Variants in ZNF846 observed in about 807,000 individuals in gnomAD.
The protein encoded by ZNF846 is zinc finger protein 420 pseudogene.
Under a neutral mutation model 16.0 loss-of-function variants are expected in ZNF846, and 15 were observed. That is an observed-to-expected ratio of 0.94 (90% CI 0.63 to 1.45). The LOEUF is 1.45. ZNF846 is among the 40% of genes most tolerant of loss of function. ZNF846 has a pLI of 0.00. For missense variants in ZNF846, 714 were observed against 622.3 expected (o/e 1.15, Z -1.57); for synonymous variants, 229 against 212.0 (o/e 1.08, Z -0.70).
downstream of ZNF846, among the ~76,000 whole-genome samples, chr19:9,753,538 G>C (rs2045105405): frequency 6.6e-6 from 1 of 151,160 alleles, no homozygotes; most frequent in Non-Finnish European, 1.5e-5. Context: ...ACAGGTGTGA[G>C]CCACCGTGCC....
At chr19:9,752,444 C>CAAA in intron 5 of ZNF846, 19 of 350,322 alleles carry the variant, frequency 5.4e-5, no homozygotes, top group East Asian at 1.9e-4. Context: ...TTCGTCTCTA[C>CAAA]AAAAAAAAAA....
At chr19:9,755,243 T>C (rs2045121822), downstream of ZNF846, among the ~76,000 whole-genome samples, 1 of 151,462 alleles carries the variant, frequency 6.6e-6, no homozygotes, top group Admixed American at 6.6e-5. Flanking sequence ...CTTACTAAAA[T>C]ATAGAAAAAA....
At chr19:9,751,607 T>C (rs974398164), downstream of ZNF846, among the ~76,000 whole-genome samples, 2 of 150,404 alleles carry the variant, frequency 1.3e-5, no homozygotes, top group Non-Finnish European at 3.0e-5. Flanking sequence ...ATTCCTCCCA[T>C]CCCTTGTGAC....
At chr19:9,768,475 T>G (rs528503608) in exon 1 of ZNF846, 1 of 152,208 alleles carries the variant, frequency 6.6e-6, no homozygotes, top group Non-Finnish European at 1.5e-5. Flanking sequence ...CCCAGACTGA[T>G]GCGGGCGCAG....
chr19:9,751,412 AAAC>A (rs1468521707), downstream of ZNF846, among the ~76,000 whole-genome samples: 1 of 152,186 alleles, frequency 6.6e-6, no homozygotes, highest in African/African-American at 2.4e-5. Context: ...TAACATAAAA[AAAC>A]AGGAATGTAA....
At chr19:9,757,696 G>A (rs760740107) in exon 6 of ZNF846, 46 of 1,612,964 alleles carry the variant, frequency 2.9e-5, no homozygotes, top group South Asian at 9.9e-5. Context: ...TTTGTGGAAC[G>A]AGCAAATGCT....
intron 1 of ZNF846, among the ~76,000 whole-genome samples, chr19:9,777,444 G>A (rs142221559): frequency 1.9e-4 from 29 of 152,004 alleles, no homozygotes; most frequent in Middle Eastern, 3.4e-3. Context: ...AGGTCGAGGT[G>A]GGCAGATCAC....
intron 1 of ZNF846, chr19:9,775,071 T>A: frequency 1.1e-6 from 1 of 928,640 alleles, no homozygotes; most frequent in Non-Finnish European, 1.7e-6. Flanking sequence ...CGCCTGACAT[T>A]CACTTGTGGC....
chr19:9,755,717 G>A (rs1341721421), downstream of ZNF846: 57 of 130,542 alleles, frequency 4.4e-4, no homozygotes, highest in African/African-American at 1.3e-3. Flanking sequence ...GGAGAATGGC[G>A]TGAACCCGGG....
At chr19:9,777,261 G>A (rs553901963) in intron 1 of ZNF846, among the ~76,000 whole-genome samples, 52 of 152,018 alleles carry the variant, frequency 3.4e-4, no homozygotes, top group African/African-American at 1.2e-3. Flanking sequence ...GAACCCAGGA[G>A]TTTCAGGCTG....
At chr19:9,779,691 C>A (rs1034023905) in intron 1 of ZNF846, among the ~76,000 whole-genome samples, 1 of 151,914 alleles carries the variant, frequency 6.6e-6, no homozygotes, top group African/African-American at 2.4e-5. Flanking sequence ...CTGCCTCAGC[C>A]TCCCAAGCAG....
At chr19:9,775,020 A>AAATTGACACGTG in intron 1 of ZNF846, 1 of 1,470,924 alleles carries the variant, frequency 6.8e-7, no homozygotes. Flanking sequence ...GCATTCAGAC[A>AAATTGACACGTG]CCCGGCAAAG....
At chr19:9,757,057 T>C (rs1222001585), downstream of ZNF846, among the ~76,000 whole-genome samples, 1 of 151,416 alleles carries the variant, frequency 6.6e-6, no homozygotes, top group Non-Finnish European at 1.5e-5. Context: ...TAGCTGGGCA[T>C]GGTGGCACAT....
downstream of ZNF846, chr19:9,756,341 G>A (rs1286259182): frequency 3.1e-5 from 2 of 64,728 alleles, no homozygotes; most frequent in Non-Finnish European, 5.1e-5. Context: ...GTGTGTGTGT[G>A]TGTGTATATA....
intron 1 of ZNF846, among the ~76,000 whole-genome samples, chr19:9,774,264 A>G (rs190995785): frequency 2.0e-5 from 3 of 152,132 alleles, no homozygotes; most frequent in African/African-American, 7.2e-5. Flanking sequence ...GTCAGGAGAT[A>G]GAGACCACCC....
Position 9,757,490 on chromosome 19 carries a change from T to A in ZNF846, c.1587A>T (p.Ala529=), listed in dbSNP as rs563251527. 5.7e-6 allele frequency: 9 copies of A among 1,576,018 alleles called. No individual in the cohort carries two copies. The South Asian group carries it at 9.4e-5, about 16-fold the overall frequency. Residue 529 remains alanine (A), a synonymous_variant, in exon 6 of 6, where the codon GCA becomes GCT. Coordinates refer to ENST00000397902, the Ensembl canonical transcript of ZNF846. Reference sequence around the variant, plus strand: ...GAGGAACACTTCAGGTTTTTTCACATGCCTTAGTTCTTAGATGTTTAGCAA... The same window carrying A: ...GAGGAACACTTCAGGTTTTTTCACAAGCCTTAGTTCTTAGATGTTTAGCAA...
intron 1 of ZNF846, among the ~76,000 whole-genome samples, chr19:9,776,836 G>A (rs1329651079): frequency 6.6e-6 from 1 of 152,180 alleles, no homozygotes; most frequent in African/African-American, 2.4e-5. Context: ...AATGGGAGGA[G>A]AGCAAGAGAA....
chr19:9,759,841 C>T lies in ZNF846; in HGVS notation c.312+19G>A, dbSNP rs752247165. 2 of 1,590,050 alleles carry T rather than the reference C, an allele frequency of 1.3e-6. No homozygotes were observed. The highest frequency in any genetic ancestry group is 3.4e-5 in the Admixed American group (2 of 59,138). On this transcript the variant is annotated intron_variant, in intron 5 of 5. Transcript: ENST00000397902. Reference sequence around the variant, plus strand: ...CTTCTTGTCCTAGTGTGGAAGATTTCATCCCTTGGAAATCTTACCAATTGT... The same window carrying T: ...CTTCTTGTCCTAGTGTGGAAGATTTTATCCCTTGGAAATCTTACCAATTGT...
upstream of ZNF846, among the ~76,000 whole-genome samples, chr19:9,772,122 T>A (rs554695209): frequency 6.6e-6 from 1 of 152,100 alleles, no homozygotes; most frequent in Non-Finnish European, 1.5e-5. Context: ...TTTTTCCCCA[T>A]TGAATTGTTT....
Sources: allele counts gnomAD v4.1 joint callset (sites outside exome capture counted in the v4.1 genomes callset), GRCh38; gene constraint gnomAD v4.1.1; transcripts MANE v1.5; gene names NCBI Gene and HGNC (gene_info 2026-07-23, HGNC 2026-07-21).